FUT8: variants seen among roughly 807,000 people sequenced by gnomAD.
FUT8 encodes the protein fucosyltransferase 8.
Under a neutral mutation model 71.3 loss-of-function variants are expected in FUT8, and 29 were observed. The observed-to-expected ratio is 0.41, with a 90% confidence interval of 0.30 to 0.55. The LOEUF is 0.55. FUT8 is among the 20% of genes least tolerant of loss of function. The pLI, the probability that FUT8 is intolerant of heterozygous loss-of-function variation, is 0.34. For synonymous variants in FUT8, 254 were observed against 239.3 expected, an observed-to-expected ratio of 1.06 and a Z score of -0.57; for missense variants, 544 against 702.1, an observed-to-expected ratio of 0.77 and a Z score of 2.55.
At chr14:65,526,185 G>T (rs1448974405) in intron 2 of FUT8, among the ~76,000 whole-genome samples, 2 of 152,144 alleles carry the variant, frequency 1.3e-5, no homozygotes, top group African/African-American at 4.8e-5. Flanking sequence ...CATTATTATT[G>T]TGTGAGAGTC....
chr14:65,365,330 TCTCTCTC>T, the FUT8 span, among the ~76,000 whole-genome samples: 1 of 75,170 alleles, frequency 1.3e-5, no homozygotes, highest in South Asian at 4.7e-4. Context: ...AAATTCTTCC[TCTCTCTC>T]TCTCTCTCTC....
chr14:65,526,735 G>C (rs1253282777), intron 2 of FUT8, among the ~76,000 whole-genome samples: 2 of 152,160 alleles, frequency 1.3e-5, no homozygotes, highest in Non-Finnish European at 2.9e-5. Flanking sequence ...GCTTCCTTCA[G>C]GAGCTCTTGT....
chr14:65,466,728 C>T (rs1245618809), intron 2 of FUT8, among the ~76,000 whole-genome samples: 3 of 151,666 alleles, frequency 2.0e-5, no homozygotes, highest in South Asian at 2.1e-4. Flanking sequence ...CTAGTCTGGG[C>T]GACAGAGCAA....
intron 7 of FUT8, among the ~76,000 whole-genome samples, chr14:65,677,149 T>TGCGCGCGCGC (rs1484485353): frequency 2.4e-5 from 2 of 84,530 alleles, no homozygotes; most frequent in Non-Finnish European, 5.7e-5. Flanking sequence ...TGTGTGTGTG[T>TGCGCGCGCGC]GTGCGCGCGC....
intron 2 of FUT8, among the ~76,000 whole-genome samples, chr14:65,456,488 A>G (rs2065895234): frequency 6.6e-6 from 1 of 152,114 alleles, no homozygotes; most frequent in African/African-American, 2.4e-5. Flanking sequence ...TAGTTTATTC[A>G]TATACCTGTT....
chr14:65,367,861 C>T, the FUT8 span, among the ~76,000 whole-genome samples: 2 of 152,108 alleles, frequency 1.3e-5, no homozygotes, highest in Non-Finnish European at 2.9e-5. Flanking sequence ...TCTTTACTCC[C>T]ACCTCTCCAA....
chr14:65,516,864 A>T (rs901903998), intron 2 of FUT8, among the ~76,000 whole-genome samples: 2 of 151,688 alleles, frequency 1.3e-5, no homozygotes, highest in African/African-American at 4.8e-5. Flanking sequence ...CCGTTACATA[A>T]TAATTCCCCG....
intron 1 of FUT8, among the ~76,000 whole-genome samples, chr14:65,445,736 T>A (rs1317382862): frequency 6.6e-6 from 1 of 152,206 alleles, no homozygotes; most frequent in Non-Finnish European, 1.5e-5. Context: ...TCTATTAGAT[T>A]TTTTTTACGT....
the FUT8 span, among the ~76,000 whole-genome samples, chr14:65,398,033 G>A: frequency 8.5e-5 from 13 of 152,324 alleles, no homozygotes; most frequent in African/African-American, 2.4e-4. Flanking sequence ...TAATAAAAGT[G>A]TAATATCCTT....
chr14:65,496,501 G>A (rs1257185687), intron 2 of FUT8, among the ~76,000 whole-genome samples: 1 of 152,010 alleles, frequency 6.6e-6, no homozygotes, highest in Non-Finnish European at 1.5e-5. Context: ...GATCATGGGG[G>A]TCGTTCCCCC....
chr14:65,709,220 G>A (rs1231781337), intron 7 of FUT8, among the ~76,000 whole-genome samples: 1 of 152,120 alleles, frequency 6.6e-6, no homozygotes, highest in East Asian at 1.9e-4. Flanking sequence ...GTAAACACTA[G>A]GGTCTGATCT....
chr14:65,520,677 G>A (rs1044102350), intron 2 of FUT8, among the ~76,000 whole-genome samples: 1 of 151,444 alleles, frequency 6.6e-6, no homozygotes, highest in South Asian at 2.1e-4. Context: ...CAAATCATAC[G>A]TAATTCAGTT....
At chr14:65,704,685 A>G (rs1354148480) in intron 7 of FUT8, among the ~76,000 whole-genome samples, 1 of 152,218 alleles carries the variant, frequency 6.6e-6, no homozygotes, top group Admixed American at 6.5e-5. Flanking sequence ...TGGCAAAGCA[A>G]CTTTTATATG....
the FUT8 span, among the ~76,000 whole-genome samples, chr14:65,394,577 AG>A: frequency 6.6e-6 from 1 of 152,210 alleles, no homozygotes; most frequent in African/African-American, 2.4e-5. Flanking sequence ...ATTTGAGACA[AG>A]GCAAGTCCCT....
upstream of FUT8, chr14:65,412,225 G>T (rs746889636): frequency 2.2e-6 from 1 of 456,746 alleles, no homozygotes; most frequent in Non-Finnish European, 4.4e-6. Context: ...GCCATTGTAG[G>T]ATCGCGCTGG....
intron 3 of FUT8, among the ~76,000 whole-genome samples, chr14:65,563,173 G>A (rs1005878269): frequency 6.6e-6 from 1 of 151,948 alleles, no homozygotes; most frequent in South Asian, 2.1e-4. Flanking sequence ...CCTACTTGGG[G>A]TACTCAGGGA....
the FUT8 span, among the ~76,000 whole-genome samples, chr14:65,405,175 T>G: frequency 6.6e-6 from 1 of 152,218 alleles, no homozygotes; most frequent in South Asian, 2.1e-4. Context: ...AGGGTGCATC[T>G]CCTTCATTTT....
chr14:65,633,654 C>T (rs1439531339), intron 6 of FUT8, among the ~76,000 whole-genome samples: 4 of 148,072 alleles, frequency 2.7e-5, no homozygotes, highest in Admixed American at 6.7e-5. Flanking sequence ...ATGTGAGGAG[C>T]GCCTCTGCCC....
intron 3 of FUT8, among the ~76,000 whole-genome samples, chr14:65,579,935 T>C (rs1197888186): frequency 6.6e-6 from 1 of 152,016 alleles, no homozygotes; most frequent in Admixed American, 6.6e-5. Context: ...AAACCAAACC[T>C]GTGTCAGTAA....
Sources: gnomAD v4.1 joint callset for allele counts (sites outside exome capture counted in the v4.1 genomes callset) on GRCh38, gnomAD v4.1.1 for gene constraint, MANE v1.5 for transcripts, NCBI Gene and HGNC (gene_info 2026-07-23, HGNC 2026-07-21) for gene names.